The following MCPH1 variants were observed in gnomAD, a reference collection of about 807,000 sequenced individuals.
MCPH1 encodes microcephalin.
In MCPH1, 104 loss-of-function variants were observed where a neutral mutation model predicts 84.5. The ratio of observed to expected loss-of-function variants is 1.23; its 90% CI spans 1.05 to 1.45. The LOEUF (loss-of-function observed/expected upper bound fraction) is 1.45. MCPH1 is among the 40% of genes most tolerant of loss of function. The probability of loss-of-function intolerance (pLI) is 0.00; values close to 1 mark genes in which losing one functional copy is unlikely to be tolerated. For synonymous variants in MCPH1, 514 were observed against 366.8 expected, an observed-to-expected ratio of 1.40 and a Z score of -4.58; for missense variants, 1,498 against 1,005.7, an observed-to-expected ratio of 1.49 and a Z score of -6.62.
Position 6,492,437 on chromosome 8 carries a change from GATGGTAGTTTCT to G in MCPH1, c.2137-7414_2137-7403del, listed in dbSNP as rs1170138954. Among the ~76,000 whole-genome samples the G allele has an allele frequency of 2.0e-5, 3 of 151,576 alleles. No individual in the cohort carries two copies. The East Asian group carries it at 5.8e-4, about 29-fold the overall frequency. On this transcript the variant is annotated intron_variant, in intron 11 of 13. Coordinates refer to ENST00000344683, the MANE Select transcript of MCPH1 (RefSeq NM_024596.5). Reference sequence around the variant, plus strand: ...ATTCTGTAGGTTGCCTGTTCACTCTGATGGTAGTTTCTTTTGCTGTGCAGAAGCTCTTTAGTT... The same window carrying G: ...ATTCTGTAGGTTGCCTGTTCACTCTGTTTGCTGTGCAGAAGCTCTTTAGTT...
chr8:6,462,976 G>A (rs1007710155), intron 9 of MCPH1, among the ~76,000 whole-genome samples: 2 of 152,288 alleles, frequency 1.3e-5, no homozygotes, highest in Admixed American at 1.3e-4. Context: ...ACCACCATGT[G>A]TCTTTAATGA....
chr8:6,574,042 G>A (rs1316499068), intron 12 of MCPH1, among the ~76,000 whole-genome samples: 1 of 152,154 alleles, frequency 6.6e-6, no homozygotes, highest in Admixed American at 6.5e-5. Context: ...GCAACTCACA[G>A]ACAAAAATAA....
chr8:6,497,412 A>G (rs558354451), intron 11 of MCPH1, among the ~76,000 whole-genome samples: 1 of 152,294 alleles, frequency 6.6e-6, no homozygotes, highest in African/African-American at 2.4e-5. Context: ...CTGAGTCAGG[A>G]GAATCACTTG....
rs1409604635 is a variant in MCPH1 at position 6,648,400 on chromosome 8, T to C, written c.*5351T>C. 5.9e-5 allele frequency: 9 copies of C among 152,214 alleles called. No homozygotes were observed. The highest frequency in any genetic ancestry group is 5.9e-4 in the Admixed American group (9 of 15,272). 9.4% of individuals were successfully genotyped at this position (152,214 alleles called of 1,614,324 possible). A position where few individuals can be genotyped will look rare whatever the true frequency, so the allele number is the denominator to read the frequency against. On this transcript the variant is annotated 3_prime_UTR_variant, in exon 14 of 14. Coordinates refer to ENST00000344683, the MANE Select transcript of MCPH1 (RefSeq NM_024596.5). ...AGGACCCATCAGACAGAAAGTAATA[T>C]GCAGATAACAGCCCAGGGGAATCTG...
intron 3 of MCPH1, among the ~76,000 whole-genome samples, chr8:6,428,417 A>G (rs548345021): frequency 6.6e-6 from 1 of 152,278 alleles, no homozygotes; most frequent in Admixed American, 6.5e-5. Flanking sequence ...AAAGGTTGTT[A>G]TGCGGCATAT....
chr8:6,564,173 G>A (rs1825937557), intron 12 of MCPH1, among the ~76,000 whole-genome samples: 1 of 152,014 alleles, frequency 6.6e-6, no homozygotes, highest in Non-Finnish European at 1.5e-5. Context: ...GTAGAGACAG[G>A]GTTTCACCAT....
chr8:6,513,917 C>G, intron 12 of MCPH1: 1 of 1,361,438 alleles, frequency 7.3e-7, no homozygotes, highest in Non-Finnish European at 1.0e-6. Context: ...GATAGTCCGT[C>G]AACTTAACAT....
chr8:6,595,852 G>A (rs1260953440), intron 12 of MCPH1, among the ~76,000 whole-genome samples: 1 of 152,184 alleles, frequency 6.6e-6, no homozygotes, highest in Admixed American at 6.5e-5. Flanking sequence ...GCAGGCAACG[G>A]CCCTTTACAG....
At chr8:6,417,922 C>T (rs924851340) in intron 3 of MCPH1, among the ~76,000 whole-genome samples, 4 of 152,140 alleles carry the variant, frequency 2.6e-5, no homozygotes, top group African/African-American at 9.7e-5. Flanking sequence ...TCTATTGTCG[C>T]AAAGAGCATG....
At chr8:6,503,469 T>G (rs1812611168) in intron 12 of MCPH1, among the ~76,000 whole-genome samples, 2 of 152,202 alleles carry the variant, frequency 1.3e-5, no homozygotes, top group African/African-American at 4.8e-5. Flanking sequence ...CGGCAAATGC[T>G]TTTACAAGCC....
chr8:6,420,958 G>C (rs1017258983), intron 3 of MCPH1, among the ~76,000 whole-genome samples: 3 of 152,186 alleles, frequency 2.0e-5, no homozygotes, highest in Non-Finnish European at 2.9e-5. Flanking sequence ...AGAAAGGAAA[G>C]TACACTGGGA....
intron 9 of MCPH1, among the ~76,000 whole-genome samples, chr8:6,476,198 G>C (rs1231325399): frequency 6.6e-6 from 1 of 152,080 alleles, no homozygotes. Flanking sequence ...GGAGGCCGAG[G>C]TGGGTGGATC....
chr8:6,593,371 C>T (rs895862362), intron 12 of MCPH1, among the ~76,000 whole-genome samples: 1 of 149,776 alleles, frequency 6.7e-6, no homozygotes, highest in African/African-American at 2.5e-5. Context: ...GCATAAGCCA[C>T]CAAACTCAAC....
chr8:6,627,664 G>T (rs1313203562), intron 13 of MCPH1, among the ~76,000 whole-genome samples: 2 of 152,178 alleles, frequency 1.3e-5, no homozygotes, highest in African/African-American at 2.4e-5. Flanking sequence ...GCCGAGGCGG[G>T]TGGGTCGTTT....
At chr8:6,427,733 A>C (rs2979657) in intron 3 of MCPH1, among the ~76,000 whole-genome samples, 3 of 152,016 alleles carry the variant, frequency 2.0e-5, no homozygotes, top group Non-Finnish European at 4.4e-5. Flanking sequence ...GAGGAAAAGA[A>C]AAAAAACACC....
intron 4 of MCPH1, among the ~76,000 whole-genome samples, chr8:6,433,147 G>T (rs1009734601): frequency 1.1e-4 from 17 of 152,090 alleles, no homozygotes; most frequent in Non-Finnish European, 2.1e-4. Flanking sequence ...TCAGTTTTCT[G>T]TATTGCATTA....
At chr8:6,625,749 A>T in intron 13 of MCPH1, 1 of 977,076 alleles carries the variant, frequency 1.0e-6, no homozygotes, top group Non-Finnish European at 1.2e-6. Flanking sequence ...CCACCACTGT[A>T]CTCCAGCCTA....
At chr8:6,480,628 A>G (rs1369463212) in intron 10 of MCPH1, 86 bp from the exon 11 acceptor site, 26 of 1,490,450 alleles carry the variant, frequency 1.7e-5, no homozygotes, top group Middle Eastern at 1.7e-4. Context: ...TTCTAGTTTT[A>G]TTAGTACTAA....
At chr8:6,515,618 C>A (rs1037094288) in intron 12 of MCPH1, among the ~76,000 whole-genome samples, 2 of 152,104 alleles carry the variant, frequency 1.3e-5, no homozygotes, top group African/African-American at 2.4e-5. Flanking sequence ...AAATTAAAAA[C>A]CCCTGAAAAT....
Sources: allele counts gnomAD v4.1 joint callset (sites outside exome capture counted in the v4.1 genomes callset), GRCh38; gene constraint gnomAD v4.1.1; transcripts MANE v1.5; gene names NCBI Gene and HGNC (gene_info 2026-07-23, HGNC 2026-07-21).